Variants in SORCS2 observed in about 807,000 individuals in gnomAD.
SORCS2 encodes sortilin related VPS10 domain containing receptor 2.
SORCS2 carries 100 observed loss-of-function variants against 141.6 expected under a neutral mutation model. The ratio of observed to expected loss-of-function variants is 0.71; its 90% CI spans 0.60 to 0.83. The LOEUF (loss-of-function observed/expected upper bound fraction) is 0.83, where lower values mean the gene tolerates loss of function less well. Ranked by LOEUF, SORCS2 falls within the 40% of genes least tolerant of loss-of-function variation. The probability of loss-of-function intolerance (pLI) is 0.00; values close to 1 mark genes in which losing one functional copy is unlikely to be tolerated. For missense variants in SORCS2, 1,646 were observed against 1,560.2 expected (o/e 1.05, Z -0.93); for synonymous variants, 789 against 676.9 (o/e 1.17, Z -2.57).
chr4:7,599,403 G>T (rs141781468), intron 3 of SORCS2, among the ~76,000 whole-genome samples: 26 of 152,318 alleles, frequency 1.7e-4, no homozygotes, highest in African/African-American at 6.3e-4. Flanking sequence ...GCCAAGCCCG[G>T]TGTGCTCCGT....
intron 25 of SORCS2, among the ~76,000 whole-genome samples, chr4:7,736,739 G>A (rs929850344): frequency 2.0e-5 from 3 of 152,130 alleles, no homozygotes; most frequent in East Asian, 1.9e-4. Context: ...ATGGGGGGTC[G>A]GGGGAAAGAG....
At chr4:7,681,933 G>A (rs10015878) in intron 9 of SORCS2, among the ~76,000 whole-genome samples, 4,481 of 152,286 alleles carry the variant, frequency 0.029, 244 homozygotes, top group African/African-American at 0.1. Flanking sequence ...AGGAGGCCTT[G>A]ATAAGTGGTG....
intron 1 of SORCS2, among the ~76,000 whole-genome samples, chr4:7,247,062 C>T (rs960532395): frequency 1.3e-5 from 2 of 152,186 alleles, no homozygotes; most frequent in Admixed American, 6.5e-5. Flanking sequence ...GTGAGAAGGC[C>T]AGTGAGATGT....
In SORCS2 at chr4:7,598,199, C is replaced by G. The variant is rs4689794; in HGVS notation, c.649-40129C>G. Among the ~76,000 whole-genome samples the G allele has an allele frequency of 3.9e-3, 594 of 152,174 alleles. 23 individuals are homozygous for G. The highest frequency in any genetic ancestry group is 0.035 in the Admixed American group (533 of 15,304). On this transcript the variant is annotated intron_variant, in intron 3 of 26. Transcript: ENST00000507866. The stretch of plus-strand genomic sequence containing the variant: ...GGCCAGGCTGGTCTTGAACTCCTGA[C>G]CTCGTGATCTGCCTGCCTCAGCCTT...
chr4:7,543,314 T>C (rs527246329), intron 3 of SORCS2, among the ~76,000 whole-genome samples: 2 of 152,242 alleles, frequency 1.3e-5, no homozygotes, highest in African/African-American at 4.8e-5. Flanking sequence ...CATTCATCAG[T>C]CCACTAATTC....
chr4:7,524,382 C>T (rs1733529813), intron 2 of SORCS2, among the ~76,000 whole-genome samples: 1 of 152,090 alleles, frequency 6.6e-6, no homozygotes, highest in East Asian at 1.9e-4. Context: ...CTTTGGACTT[C>T]TGACCTCCAG....
At chr4:7,393,901 T>G (rs1294858319) in intron 1 of SORCS2, among the ~76,000 whole-genome samples, 1 of 152,094 alleles carries the variant, frequency 6.6e-6, no homozygotes, top group Non-Finnish European at 1.5e-5. Context: ...ACCCGGGTGG[T>G]CTGACCTCAC....
intron 3 of SORCS2, among the ~76,000 whole-genome samples, chr4:7,585,706 T>C (rs996750989): frequency 1.3e-5 from 2 of 152,246 alleles, no homozygotes; most frequent in African/African-American, 4.8e-5. Flanking sequence ...TCTTCCATCC[T>C]TGAGTTAGTA....
intron 2 of SORCS2, among the ~76,000 whole-genome samples, chr4:7,415,924 A>G (rs897391446): frequency 6.6e-6 from 1 of 152,220 alleles, no homozygotes; most frequent in African/African-American, 2.4e-5. Flanking sequence ...TTCAGAGGAG[A>G]TGATGTCTGA....
chr4:7,731,287 C>T (rs544520528), intron 23 of SORCS2, among the ~76,000 whole-genome samples: 55 of 152,224 alleles, frequency 3.6e-4, no homozygotes, highest in African/African-American at 1.2e-3. Context: ...GCACTAAAAA[C>T]CATAAAACAC....
At chr4:7,314,726 A>G (rs1265037036) in intron 1 of SORCS2, among the ~76,000 whole-genome samples, 1 of 150,184 alleles carries the variant, frequency 6.7e-6, no homozygotes, top group Non-Finnish European at 1.5e-5. Flanking sequence ...AGGTCTTGTC[A>G]CTTGGCTTTG....
At chr4:7,560,183 G>A (rs1161659003) in intron 3 of SORCS2, among the ~76,000 whole-genome samples, 1 of 152,192 alleles carries the variant, frequency 6.6e-6, no homozygotes, top group African/African-American at 2.4e-5. Context: ...TGTTTGTTCT[G>A]TCTCACTCAT....
intron 3 of SORCS2, among the ~76,000 whole-genome samples, chr4:7,558,271 G>A (rs1170783848): frequency 1.3e-5 from 2 of 152,216 alleles, no homozygotes; most frequent in Admixed American, 6.5e-5. Flanking sequence ...GGGGCTGAGG[G>A]ATTCTGTGTT....
intron 3 of SORCS2, among the ~76,000 whole-genome samples, chr4:7,596,938 G>A (rs1346914280): frequency 6.6e-6 from 1 of 152,162 alleles, no homozygotes; most frequent in Non-Finnish European, 1.5e-5. Flanking sequence ...GAAAGAGTAA[G>A]GGGCTCAGCT....
At chr4:7,386,429 AT>A (rs1047070930) in intron 1 of SORCS2, among the ~76,000 whole-genome samples, 12 of 112,848 alleles carry the variant, frequency 1.1e-4, no homozygotes, top group Non-Finnish European at 2.2e-4. Context: ...ATGCACACAC[AT>A]ACAGGTACAC....
chr4:7,497,720 C>T (rs907030784), intron 2 of SORCS2, among the ~76,000 whole-genome samples: 5 of 152,252 alleles, frequency 3.3e-5, no homozygotes, highest in Admixed American at 6.5e-5. Context: ...TGGTCCCCAC[C>T]GCACAGGTTG....
intron 1 of SORCS2, among the ~76,000 whole-genome samples, chr4:7,240,700 A>G (rs13137170): frequency 0.37 from 56,148 of 151,918 alleles, 11,364 homozygotes; most frequent in South Asian, 0.48. Flanking sequence ...TCCTGTTGGA[A>G]TCCTGAAGCT....
At chr4:7,438,458 G>T in intron 2 of SORCS2, among the ~76,000 whole-genome samples, 1 of 152,116 alleles carries the variant, frequency 6.6e-6, no homozygotes, top group East Asian at 1.9e-4. Context: ...ATTTAGAAAG[G>T]TATTCTGAAA....
rs752177753 is a variant in SORCS2 at position 7,664,421 on chromosome 4, C to A, written c.1021C>A (p.Pro341Thr). Residue 341 changes from proline (P) to threonine (T), a missense_variant, in exon 7 of 27, where the codon CCC (proline) becomes ACC (threonine). By Grantham distance (38) the Pro-to-Thr change is conservative (BLOSUM62 -1). Transcript: ENST00000507866. This position sits in a 1 kb window ranked among gnomAD's most constrained non-coding sequence, Gnocchi z 4.7. ...EKMLTAPFAG[P>T]IDHGSLTVQD... ...GATGCTGACAGCCCCATTCGCAGGCCCCATTGACCACGGGTCTCTGACCGT... is the reference window on the plus strand; with the variant it reads ...GATGCTGACAGCCCCATTCGCAGGCACCATTGACCACGGGTCTCTGACCGT... 170 of 1,613,914 alleles carry A rather than the reference C, an allele frequency of 1.1e-4. No individual in the cohort carries two copies. Among genetic ancestry groups the A allele is most frequent in the Middle Eastern group, 1.7e-4 (1 of 6,058 alleles).
Sources: allele counts gnomAD v4.1 joint callset (sites outside exome capture counted in the v4.1 genomes callset), GRCh38; gene constraint gnomAD v4.1.1; non-coding constraint Gnocchi (gnomAD v3.1); transcripts MANE v1.5; gene names NCBI Gene and HGNC (gene_info 2026-07-23, HGNC 2026-07-21).